LSAMP: variants seen among roughly 807,000 people sequenced by gnomAD.
LSAMP encodes the protein limbic system associated membrane protein.
In LSAMP, 7 loss-of-function variants were observed where a neutral mutation model predicts 38.6. The ratio of observed to expected loss-of-function variants is 0.18; its 90% CI spans 0.10 to 0.34. The LOEUF (loss-of-function observed/expected upper bound fraction) is 0.34. LSAMP is among the 10% of genes least tolerant of loss of function. The pLI, the probability that LSAMP is intolerant of heterozygous loss-of-function variation, is 1.00. For missense variants in LSAMP, 313 were observed against 420.0 expected, an observed-to-expected ratio of 0.75 and a Z score of 2.23; for synonymous variants, 154 against 166.8, an observed-to-expected ratio of 0.92 and a Z score of 0.59.
At chr3:116,415,044 C>T (rs2049030707) in intron 1 of LSAMP, among the ~76,000 whole-genome samples, 1 of 151,640 alleles carries the variant, frequency 6.6e-6, no homozygotes, top group African/African-American at 2.4e-5. Flanking sequence ...GTTTTTCTTC[C>T]AAAGATTTTG....
intron 1 of LSAMP, among the ~76,000 whole-genome samples, chr3:116,215,448 C>T (rs1435430637): frequency 1.3e-5 from 2 of 151,202 alleles, no homozygotes; most frequent in Non-Finnish European, 2.9e-5. Context: ...TTTTTTGGCC[C>T]GCTGCTGCAA....
At chr3:116,093,886 T>C (rs1302844676) in intron 1 of LSAMP, among the ~76,000 whole-genome samples, 1 of 152,130 alleles carries the variant, frequency 6.6e-6, no homozygotes, top group Non-Finnish European at 1.5e-5. Context: ...TCAGCAAAAC[T>C]ATCATAGAAT....
chr3:115,983,422 G>A (rs1939420592), intron 3 of LSAMP, among the ~76,000 whole-genome samples: 2 of 152,074 alleles, frequency 1.3e-5, no homozygotes, highest in South Asian at 2.1e-4. Context: ...ACTTGAGGCT[G>A]AGGTGAGAGG....
At chr3:116,003,046 C>A (rs1940047577) in intron 3 of LSAMP, among the ~76,000 whole-genome samples, 1 of 151,946 alleles carries the variant, frequency 6.6e-6, no homozygotes, top group South Asian at 2.1e-4. Flanking sequence ...ACAATATAGC[C>A]ACTACCTTTA....
chr3:115,949,747 AC>A (rs1938220683), intron 3 of LSAMP, among the ~76,000 whole-genome samples: 2 of 152,018 alleles, frequency 1.3e-5, no homozygotes, highest in South Asian at 4.1e-4. Flanking sequence ...AGCCAGTATC[AC>A]CCTAATACTA....
chr3:116,212,409 A>C (rs376921662), intron 1 of LSAMP, among the ~76,000 whole-genome samples: 1 of 152,224 alleles, frequency 6.6e-6, no homozygotes, highest in South Asian at 2.1e-4. Context: ...AGTTTTAAAC[A>C]GAATAGAGAA....
intron 3 of LSAMP, among the ~76,000 whole-genome samples, chr3:115,926,462 T>C (rs1254936179): frequency 6.6e-6 from 1 of 152,220 alleles, no homozygotes; most frequent in Admixed American, 6.5e-5. Flanking sequence ...TAAAGTGTCA[T>C]GAGAACAGAT....
chr3:116,391,638 C>A (rs1025224877), intron 1 of LSAMP, among the ~76,000 whole-genome samples: 1 of 151,820 alleles, frequency 6.6e-6, no homozygotes, highest in Non-Finnish European at 1.5e-5. Flanking sequence ...GGCAGTGCCA[C>A]GTTTGTACTG....
At chr3:116,211,087 T>A (rs1315966582) in intron 1 of LSAMP, among the ~76,000 whole-genome samples, 1 of 107,970 alleles carries the variant, frequency 9.3e-6, no homozygotes, top group African/African-American at 3.0e-5. Flanking sequence ...AATAAGCCAA[T>A]CACAGAAAGA....
intron 1 of LSAMP, among the ~76,000 whole-genome samples, chr3:116,269,628 A>G (rs1267253454): frequency 6.6e-6 from 1 of 152,132 alleles, no homozygotes; most frequent in East Asian, 1.9e-4. Flanking sequence ...AAGTGACCAT[A>G]TAATTTATCA....
At chr3:115,831,267 A>G (rs1325715488) in intron 6 of LSAMP, among the ~76,000 whole-genome samples, 1 of 152,142 alleles carries the variant, frequency 6.6e-6, no homozygotes, top group Non-Finnish European at 1.5e-5. Flanking sequence ...ATCAGATGGG[A>G]GGCAAACAAG....
At chr3:116,170,751 G>A (rs1710177069) in intron 1 of LSAMP, among the ~76,000 whole-genome samples, 1 of 152,082 alleles carries the variant, frequency 6.6e-6, no homozygotes, top group Non-Finnish European at 1.5e-5. Context: ...GGATGATTTT[G>A]GCTATAAAAG....
intron 3 of LSAMP, among the ~76,000 whole-genome samples, chr3:115,892,369 T>C (rs780139726): frequency 2.0e-5 from 3 of 151,994 alleles, no homozygotes; most frequent in Non-Finnish European, 2.9e-5. Flanking sequence ...AATAGTAGAA[T>C]AGACTCTAAA....
chr3:116,213,649 A>G (rs2046188207), intron 1 of LSAMP, among the ~76,000 whole-genome samples: 1 of 152,262 alleles, frequency 6.6e-6, no homozygotes, highest in Non-Finnish European at 1.5e-5. Flanking sequence ...ACATGTGGAA[A>G]CAAACTAAAT....
At chr3:116,159,590 C>T (rs1709833957) in intron 1 of LSAMP, among the ~76,000 whole-genome samples, 1 of 151,892 alleles carries the variant, frequency 6.6e-6, no homozygotes. Context: ...ATTAAAAAGT[C>T]AAGAAATAAT....
At chr3:115,879,367 T>C (rs1936265189) in intron 3 of LSAMP, among the ~76,000 whole-genome samples, 1 of 152,162 alleles carries the variant, frequency 6.6e-6, no homozygotes, top group African/African-American at 2.4e-5. Flanking sequence ...GTTTAAACTT[T>C]ATACTAGTAA....
intron 1 of LSAMP, among the ~76,000 whole-genome samples, chr3:116,432,226 G>A (rs949106447): frequency 6.6e-6 from 1 of 151,730 alleles, no homozygotes; most frequent in Non-Finnish European, 1.5e-5. Context: ...AAAGTGTGAC[G>A]TGACCCAAGT....
chr3:115,930,002 G>GGTTTTT (rs1937554601), intron 3 of LSAMP, among the ~76,000 whole-genome samples: 3 of 80,292 alleles, frequency 3.7e-5, no homozygotes, highest in African/African-American at 1.4e-4. Context: ...TTTAGCAGAA[G>GGTTTTT]TTTTTTTTTT....
At chr3:115,887,155 C>A (rs1020253620) in intron 3 of LSAMP, among the ~76,000 whole-genome samples, 1 of 151,780 alleles carries the variant, frequency 6.6e-6, no homozygotes, top group Non-Finnish European at 1.5e-5. Flanking sequence ...AAATAATTTT[C>A]ATGTTTTAGC....
Sources: allele counts gnomAD v4.1 joint callset (sites outside exome capture counted in the v4.1 genomes callset), GRCh38; gene constraint gnomAD v4.1.1; transcripts MANE v1.5; gene names NCBI Gene and HGNC (gene_info 2026-07-23, HGNC 2026-07-21).